The following DIS3L2 variants were observed in gnomAD, a reference collection of about 807,000 sequenced individuals.
The protein encoded by DIS3L2 is DIS3-like exonuclease 2.
In DIS3L2, 34 loss-of-function variants were observed where a neutral mutation model predicts 97.5. The observed-to-expected ratio is 0.35, with a 90% confidence interval of 0.27 to 0.46. The LOEUF is 0.46. Among genes scored for constraint, DIS3L2 ranks in the 20% least tolerant of loss-of-function variants. DIS3L2 has a pLI of 1.00. For synonymous variants in DIS3L2, 435 were observed against 445.2 expected, an observed-to-expected ratio of 0.98 and a Z score of 0.29; for missense variants, 1,038 against 1,146.0, an observed-to-expected ratio of 0.91 and a Z score of 1.36.
intron 10 of DIS3L2, among the ~76,000 whole-genome samples, chr2:232,228,655 C>T (rs1256432045): frequency 2.0e-5 from 3 of 152,192 alleles, no homozygotes; most frequent in Admixed American, 6.5e-5. Context: ...CTGCCTCCTG[C>T]TCAGGCTGGC....
intron 8 of DIS3L2, among the ~76,000 whole-genome samples, chr2:232,162,602 G>C (rs1690685674): frequency 6.6e-6 from 1 of 152,214 alleles, no homozygotes; most frequent in Admixed American, 6.5e-5. Context: ...AAAGTGCTGA[G>C]GGCGGACTCT....
intron 13 of DIS3L2, among the ~76,000 whole-genome samples, chr2:232,277,383 T>C (rs1694168279): frequency 6.6e-6 from 1 of 152,210 alleles, no homozygotes; most frequent in African/African-American, 2.4e-5. Flanking sequence ...TTTGCTGTTA[T>C]AAATAACACT....
chr2:232,083,525 C>T (rs1696476267), intron 5 of DIS3L2, among the ~76,000 whole-genome samples: 1 of 147,916 alleles, frequency 6.8e-6, no homozygotes, highest in South Asian at 2.1e-4. Flanking sequence ...GACAGAGTCT[C>T]ACTCTGTTGC....
intron 13 of DIS3L2, among the ~76,000 whole-genome samples, chr2:232,298,822 A>G (rs1309966888): frequency 6.6e-6 from 1 of 152,218 alleles, no homozygotes; most frequent in Non-Finnish European, 1.5e-5. Context: ...GTCATAACCA[A>G]CTGGCTCTAG....
chr2:232,216,414 C>T (rs1354990195), intron 10 of DIS3L2, among the ~76,000 whole-genome samples: 1 of 152,192 alleles, frequency 6.6e-6, no homozygotes, highest in African/African-American at 2.4e-5. Flanking sequence ...CATCAGTGCC[C>T]CTCTCATGCT....
intron 6 of DIS3L2, among the ~76,000 whole-genome samples, chr2:232,128,498 A>T: frequency 9.0e-6 from 1 of 111,350 alleles, no homozygotes; most frequent in East Asian, 3.2e-4. Flanking sequence ...AGGTTCTTGC[A>T]GGCTGGAGTG....
chr2:232,019,992 A>T (rs1183964528), intron 3 of DIS3L2, among the ~76,000 whole-genome samples: 1 of 151,910 alleles, frequency 6.6e-6, no homozygotes, highest in African/African-American at 2.4e-5. Flanking sequence ...GAATCAGCCA[A>T]TTGAAGAATT....
chr2:232,031,637 C>T (rs982376016), intron 5 of DIS3L2, among the ~76,000 whole-genome samples: 12 of 151,764 alleles, frequency 7.9e-5, no homozygotes, highest in African/African-American at 1.2e-4. Context: ...TCTTCTAATG[C>T]TATCCCTCCC....
chr2:232,335,029 G>A (rs1234818888), intron 19 of DIS3L2: 8 of 362,544 alleles, frequency 2.2e-5, no homozygotes, highest in East Asian at 1.1e-4. Flanking sequence ...TTATAGGAAC[G>A]TGAAGGAATG....
At chr2:232,047,629 T>C (rs1366088198) in intron 5 of DIS3L2, among the ~76,000 whole-genome samples, 3 of 152,344 alleles carry the variant, frequency 2.0e-5, no homozygotes, top group Non-Finnish European at 4.4e-5. Flanking sequence ...GGTTTTAGTA[T>C]ATTTACAATG....
chr2:232,107,857 A>C (rs993784849), intron 6 of DIS3L2, among the ~76,000 whole-genome samples: 2 of 152,232 alleles, frequency 1.3e-5, no homozygotes, highest in Non-Finnish European at 2.9e-5. Flanking sequence ...CCAGGAAGAC[A>C]CTGACTCCCT....
At chr2:232,191,119 G>C (rs900475892) in intron 9 of DIS3L2, among the ~76,000 whole-genome samples, 5 of 152,168 alleles carry the variant, frequency 3.3e-5, no homozygotes, top group Non-Finnish European at 7.4e-5. Context: ...GATCCTAAAC[G>C]TAAACATCTC....
chr2:231,968,338 C>T (rs1455427018), intron 1 of DIS3L2, among the ~76,000 whole-genome samples: 7 of 152,120 alleles, frequency 4.6e-5, no homozygotes, highest in African/African-American at 7.2e-5. Flanking sequence ...CCTCGTGATC[C>T]GCCCGCCTCG....
At chr2:232,126,710 TC>T (rs144920941) in intron 6 of DIS3L2, among the ~76,000 whole-genome samples, 524 of 152,346 alleles carry the variant, frequency 3.4e-3, no homozygotes, top group African/African-American at 0.012. Context: ...AAATTGGAGT[TC>T]TTTTTACTAG....
intron 5 of DIS3L2, among the ~76,000 whole-genome samples, chr2:232,086,643 A>ATATATACACATATATATATG (rs1484154092): frequency 2.0e-4 from 16 of 81,928 alleles, no homozygotes; most frequent in African/African-American, 8.9e-4. Flanking sequence ...ATATATATAT[A>ATATATACACATATATATATG]TGTATATATA....
chr2:232,128,301 A>G (rs1386311136), intron 6 of DIS3L2, among the ~76,000 whole-genome samples: 1 of 152,022 alleles, frequency 6.6e-6, no homozygotes, highest in Non-Finnish European at 1.5e-5. Flanking sequence ...ATATTCCCAC[A>G]TTAGTCTATA....
At chr2:232,327,788 G>A (rs903640968) in intron 14 of DIS3L2, among the ~76,000 whole-genome samples, 3 of 152,174 alleles carry the variant, frequency 2.0e-5, no homozygotes, top group Admixed American at 6.5e-5. Flanking sequence ...CTGGCCATGT[G>A]GGGGGCAGGT....
chr2:232,262,743 T>C (rs2633263), intron 12 of DIS3L2, among the ~76,000 whole-genome samples: 84,049 of 152,112 alleles, frequency 0.55, 26,074 homozygotes, highest in East Asian at 0.85. Context: ...TAGCCTCATC[T>C]TGCTTCTCCA....
intron 1 of DIS3L2, among the ~76,000 whole-genome samples, chr2:231,993,781 GTCT>G (rs1693647416): frequency 7.2e-6 from 1 of 138,158 alleles, no homozygotes; most frequent in Non-Finnish European, 1.5e-5. Context: ...TTTTTTTTTG[GTCT>G]TCTTAGAAGA....
Sources: allele counts gnomAD v4.1 joint callset (sites outside exome capture counted in the v4.1 genomes callset), GRCh38; gene constraint gnomAD v4.1.1; transcripts MANE v1.5; gene names NCBI Gene and HGNC (gene_info 2026-07-23, HGNC 2026-07-21).